The following VWF variants were observed in gnomAD, a reference collection of about 807,000 sequenced individuals.
VWF encodes the protein von Willebrand factor.
Under a neutral mutation model 308.6 loss-of-function variants are expected in VWF, and 176 were observed. The observed-to-expected ratio is 0.57, with a 90% CI of 0.50 to 0.65. The LOEUF is 0.65. Among genes scored for constraint, VWF ranks in the 30% least tolerant of loss-of-function variants. The pLI is 0.00. For missense variants in VWF, 3,146 were observed against 3,648.2 expected, an observed-to-expected ratio of 0.86 and a Z score of 3.55; for synonymous variants, 1,385 against 1,443.4, an observed-to-expected ratio of 0.96 and a Z score of 0.92.
chr12:6,070,926 C>G (rs1281463229), intron 10 of VWF, among the ~76,000 whole-genome samples: 3 of 152,192 alleles, frequency 2.0e-5, no homozygotes, highest in East Asian at 3.8e-4. Flanking sequence ...TAAAGAATTA[C>G]CAGGCCCTTC....
Position 5,994,619 on chromosome 12 carries a change from A to C in VWF, c.6064-12T>G. 2 of 1,613,732 alleles carry C rather than the reference A, an allele frequency of 1.2e-6. No individual in the cohort carries two copies. Among genetic ancestry groups the C allele is most frequent in the Non-Finnish European group, 1.7e-6 (2 of 1,179,640 alleles). ...CCATTCACCGTCACCTGCACAAAGA[A>C]GAAAGAGCTCATCCGTAGTCCTAGC... On this transcript the variant is annotated splice_polypyrimidine_tract_variant and intron_variant, in intron 35 of 51. Transcript: ENST00000261405.
At chr12:5,981,532 C>T (rs1183100045) in intron 42 of VWF, among the ~76,000 whole-genome samples, 1 of 152,200 alleles carries the variant, frequency 6.6e-6, no homozygotes, top group Non-Finnish European at 1.5e-5. Context: ...GAAATGCCTC[C>T]TGAGTTAACT....
At chr12:6,109,451 A>G (rs1244575611) in intron 5 of VWF, among the ~76,000 whole-genome samples, 1 of 152,186 alleles carries the variant, frequency 6.6e-6, no homozygotes, top group Non-Finnish European at 1.5e-5. Flanking sequence ...AAAATAAACT[A>G]TCATGCTATT....
At chr12:6,102,942 A>C (rs1945182642) in intron 5 of VWF, among the ~76,000 whole-genome samples, 1 of 152,198 alleles carries the variant, frequency 6.6e-6, no homozygotes, top group Admixed American at 6.5e-5. Context: ...ATCCTGAACA[A>C]AAAGAACAAA....
chr12:6,079,192 G>A (rs932295449), intron 6 of VWF, among the ~76,000 whole-genome samples: 15 of 152,176 alleles, frequency 9.9e-5, no homozygotes, highest in Admixed American at 7.9e-4. Context: ...AGCTGGATCC[G>A]CACTCACCTG....
intron 5 of VWF, 121 bp downstream of exon 5, chr12:6,110,253 A>T: frequency 9.4e-7 from 1 of 1,066,060 alleles, no homozygotes; most frequent in South Asian, 1.3e-5. Context: ...TGGCAACATA[A>T]ATTGAGGTGA....
rs1299445904 is a variant in VWF at position 6,013,618 on chromosome 12, C to A, written c.5483G>T (p.Gly1828Val). The A allele has an allele frequency of 6.2e-7, 1 of 1,613,346 alleles. No homozygotes were observed. The highest frequency in any genetic ancestry group is 1.3e-5 in the African/African-American group (1 of 74,876). The part of the protein sequence containing the change: ...NRVTVFPIGI[G>V]DRYDAAQLRI... The stretch of plus-strand genomic sequence containing the variant: ...TAGCTGGGCTGCATCGTAGCGATCT[C>A]CAATTCCAATAGGGAACACTGTCAC... Residue 1828 changes from glycine to valine, a missense_variant, in exon 32 of 52, where the codon GGA becomes GTA. By Grantham distance (109) the Gly-to-Val change is moderately radical. This residue lies in a region of VWF where 853 missense variants were observed against 1,177.8 expected (regional missense o/e 0.72). Coordinates refer to ENST00000261405, the MANE Select transcript of VWF (RefSeq NM_000552.5).
chr12:6,107,860 G>A (rs988352900), intron 5 of VWF, among the ~76,000 whole-genome samples: 16 of 151,874 alleles, frequency 1.1e-4, no homozygotes, highest in African/African-American at 3.9e-4. Context: ...GGGTTTCACC[G>A]TGGTAGCCAG....
At chr12:6,001,272 AT>A (rs1943870729) in intron 34 of VWF, among the ~76,000 whole-genome samples, 1 of 152,298 alleles carries the variant, frequency 6.6e-6, no homozygotes, top group African/African-American at 2.4e-5. Flanking sequence ...ATAAAATATA[AT>A]GACGAAAGAA....
chr12:6,097,032 G>A (rs1945111804), intron 5 of VWF, among the ~76,000 whole-genome samples: 2 of 152,200 alleles, frequency 1.3e-5, no homozygotes, highest in African/African-American at 4.8e-5. Flanking sequence ...CCTGGAGCAT[G>A]TAAATATTAT....
intron 39 of VWF, 26 bp downstream of exon 39, chr12:5,985,537 G>A: frequency 1.9e-6 from 3 of 1,611,040 alleles, no homozygotes; most frequent in Non-Finnish European, 2.5e-6. Flanking sequence ...CCTCCATGAA[G>A]GCACCAGGGA....
chr12:5,966,750 C>G (rs1359447367), intron 47 of VWF, among the ~76,000 whole-genome samples: 1 of 152,194 alleles, frequency 6.6e-6, no homozygotes, highest in East Asian at 1.9e-4. Context: ...TCACAAGAGA[C>G]TCCTCTGACC....
intron 6 of VWF, among the ~76,000 whole-genome samples, chr12:6,086,063 G>T (rs1197705899): frequency 2.0e-5 from 3 of 152,112 alleles, no homozygotes; most frequent in African/African-American, 4.8e-5. Flanking sequence ...CTGCACTCAG[G>T]TGAGCCAGTC....
At chr12:6,064,712 G>A (rs1944692130) in intron 11 of VWF, among the ~76,000 whole-genome samples, 2 of 152,198 alleles carry the variant, frequency 1.3e-5, no homozygotes, top group Admixed American at 1.3e-4. Context: ...AAAGCCCTGT[G>A]CATTCTCTTC....
At chr12:6,092,673 G>GTGTGTGTGTGT (rs1356836169) in intron 6 of VWF, among the ~76,000 whole-genome samples, 1 of 123,716 alleles carries the variant, frequency 8.1e-6, no homozygotes, top group Admixed American at 7.6e-5. Flanking sequence ...GTGTGTGTGT[G>GTGTGTGTGTGT]CTGACCAGCA....
At chr12:6,121,904 C>T (rs1400938428) in intron 2 of VWF, among the ~76,000 whole-genome samples, 4 of 151,346 alleles carry the variant, frequency 2.6e-5, no homozygotes, top group Non-Finnish European at 5.9e-5. Context: ...GCACTCTAGA[C>T]TGGGCGACAG....
intron 3 of VWF, 27 bp from the exon 4 acceptor site, chr12:6,110,995 T>C (rs185340415): frequency 1.9e-6 from 3 of 1,562,044 alleles, no homozygotes; most frequent in Admixed American, 1.7e-5. Flanking sequence ...TCAATAGTAG[T>C]GATTATTACT....
At chr12:6,110,302 G>C in intron 5 of VWF, 72 bp downstream of exon 5, 1 of 1,516,568 alleles carries the variant, frequency 6.6e-7, no homozygotes, top group South Asian at 1.1e-5. Context: ...AGGCATGTTA[G>C]TGAAGGTTTA....
chr12:5,983,696 T>C (rs1022863080), intron 40 of VWF, among the ~76,000 whole-genome samples: 34 of 151,658 alleles, frequency 2.2e-4, no homozygotes, highest in Non-Finnish European at 4.3e-4. Context: ...ATAGGTTAGA[T>C]AGAGATAGGA....
Sources: allele counts gnomAD v4.1 joint callset (sites outside exome capture counted in the v4.1 genomes callset), GRCh38; gene constraint gnomAD v4.1.1; regional missense constraint gnomAD v4.1.1; transcripts MANE v1.5; gene names NCBI Gene and HGNC (gene_info 2026-07-23, HGNC 2026-07-21).